The following GLI2 variants were observed in gnomAD, a reference collection of about 807,000 sequenced individuals.
GLI2 encodes transcription activator GLI2.
A neutral mutation model predicts 78.9 loss-of-function variants in GLI2; 22 were observed. That is an observed-to-expected ratio of 0.28 (90% CI 0.20 to 0.40). GLI2 has a LOEUF of 0.40. Ranked by LOEUF, GLI2 falls within the 10% of genes least tolerant of loss-of-function variation. GLI2 has a pLI of 1.00. For synonymous variants in GLI2, 974 were observed against 963.7 expected (o/e 1.01, Z -0.20); for missense variants, 2,097 against 2,213.2 (o/e 0.95, Z 1.05).
chr2:120,960,528 C>G (rs2104984376), intron 5 of GLI2, among the ~76,000 whole-genome samples: 1 of 152,338 alleles, frequency 6.6e-6, no homozygotes, highest in South Asian at 2.1e-4. Flanking sequence ...TATTTTTTAA[C>G]AGACTCACCT....
rs532113655 is a variant in GLI2, at chr2:120,894,611, G to T, written c.149-32750G>T. 6.3e-3 allele frequency among the ~76,000 whole-genome samples: 952 copies of T among 150,976 alleles called. 11 individuals carry two copies. Among genetic ancestry groups the T allele is most frequent in the African/African-American group, 0.022 (899 of 40,730 alleles). On this transcript the variant is annotated intron_variant, in intron 2 of 13. Coordinates refer to ENST00000361492, the MANE Select transcript of GLI2 (RefSeq NM_001374353.1). ...AAATGAAGACATGCATTAACCCTTG[G>T]GGGGGGGTACCAGTGATTTCAAACC...
intron 4 of GLI2, among the ~76,000 whole-genome samples, chr2:120,953,735 A>G (rs1422022981): frequency 2.0e-5 from 3 of 152,090 alleles, no homozygotes; most frequent in East Asian, 3.9e-4. Context: ...CATGCCTGTA[A>G]TTGGATTTTC....
chr2:120,984,630 G>A lies in GLI2; in HGVS notation c.1792G>A (p.Asp598Asn), dbSNP rs1314964125. The A allele has an allele frequency of 4.3e-6, 7 of 1,614,076 alleles. No individual in the cohort carries two copies. Among genetic ancestry groups the A allele is most frequent in the African/African-American group, 1.3e-5 (1 of 74,950 alleles). ...LRTPLLKENG[D>N]SEAGTEPGGP... Reference sequence around the variant, plus strand: ...CACACCGCTGCTCAAAGAGAATGGGGACAGTGAGGCCGGCACGGAGCCTGG... The same window carrying A: ...CACACCGCTGCTCAAAGAGAATGGGAACAGTGAGGCCGGCACGGAGCCTGG... Residue 598 changes from aspartate (D) to asparagine (N), a missense_variant, in exon 12 of 14, where the codon GAC becomes AAC. Asp to Asn is a conservative substitution (Grantham distance 23). This residue lies in a region of GLI2 where 57 missense variants were observed against 44.5 expected (regional missense o/e 1.28). Transcript: ENST00000361492.
intron 2 of GLI2, among the ~76,000 whole-genome samples, chr2:120,877,756 A>T (rs1270708780): frequency 2.0e-5 from 3 of 152,302 alleles, no homozygotes; most frequent in African/African-American, 7.2e-5. Context: ...ATAGCACAAT[A>T]TACCAACGTT....
At chr2:120,828,861 CAA>C (rs3053863) in intron 2 of GLI2, among the ~76,000 whole-genome samples, 2 of 125,972 alleles carry the variant, frequency 1.6e-5, no homozygotes, top group Non-Finnish European at 1.6e-5. Flanking sequence ...CTTCCAACTC[CAA>C]AAAAAAAAAA....
chr2:120,751,044 G>A (rs1682857477), intron 1 of GLI2, among the ~76,000 whole-genome samples: 2 of 152,202 alleles, frequency 1.3e-5, no homozygotes, highest in Admixed American at 1.3e-4. Flanking sequence ...GGAGACTGTT[G>A]CCGGTTGGAA....
intron 2 of GLI2, among the ~76,000 whole-genome samples, chr2:120,882,119 T>G (rs528506400): frequency 6.6e-6 from 1 of 152,220 alleles, no homozygotes; most frequent in African/African-American, 2.4e-5. Context: ...GCTGTGAGTT[T>G]ACGTCTGGTC....
At position 120,929,312 on chromosome 2, in the gene GLI2, C is replaced by T. The variant is rs79788867; in HGVS notation, c.254+1846C>T. ...TTCTCCGCTTTAAAGTTGTCCCGTT[C>T]GTAATTAATAAGTATTTTGTGGGGT... is the stretch of plus-strand genomic sequence containing the variant. On this transcript the variant is annotated intron_variant, in intron 3 of 13. Transcript: ENST00000361492. 1.7e-3 allele frequency among the ~76,000 whole-genome samples: 263 copies of T among 152,268 alleles called. 1 individual carries two copies. Among genetic ancestry groups the T allele is most frequent in the African/African-American group, 5.9e-3 (244 of 41,542 alleles).
chr2:120,888,885 C>T (rs1677543531), intron 2 of GLI2, among the ~76,000 whole-genome samples: 1 of 152,158 alleles, frequency 6.6e-6, no homozygotes, highest in Non-Finnish European at 1.5e-5. Flanking sequence ...TTAGTGGTGA[C>T]TTCGTGTTTC....
At position 120,787,692 on chromosome 2, in the gene GLI2, C is replaced by T. The variant is rs1684036009; in HGVS notation, c.-30-9599C>T. 2.0e-5 allele frequency among the ~76,000 whole-genome samples: 3 copies of T among 152,222 alleles called. 1 individual carries two copies. Among genetic ancestry groups the T allele is most frequent in the Admixed American group, 2.0e-4 (3 of 15,280 alleles). On this transcript the variant is annotated intron_variant, in intron 1 of 13. Coordinates refer to ENST00000361492, the MANE Select transcript of GLI2 (RefSeq NM_001374353.1). ...AAAATATCTGGGTCTGGCGGGCCGG[C>T]CACACAGTGGGCCCCTTGTTCCCCT...
chr2:120,763,673 C>T (rs978421391), intron 1 of GLI2, among the ~76,000 whole-genome samples: 7 of 152,334 alleles, frequency 4.6e-5, no homozygotes, highest in Middle Eastern at 3.4e-3. Context: ...ACTCACAGCC[C>T]TCTGGGCAGA....
At chr2:120,918,270 G>A (rs558591289) in intron 2 of GLI2, among the ~76,000 whole-genome samples, 1 of 152,254 alleles carries the variant, frequency 6.6e-6, no homozygotes, top group African/African-American at 2.4e-5. Flanking sequence ...ATCGGTGGAT[G>A]CCTTATATGA....
intron 3 of GLI2, among the ~76,000 whole-genome samples, chr2:120,937,994 G>C (rs1436881298): frequency 6.6e-6 from 1 of 152,118 alleles, no homozygotes; most frequent in Admixed American, 6.5e-5. Context: ...CCACTCCCAA[G>C]ACTGCACATC....
chr2:120,869,452 C>T (rs181411696), intron 2 of GLI2, among the ~76,000 whole-genome samples: 1 of 152,274 alleles, frequency 6.6e-6, no homozygotes, highest in African/African-American at 2.4e-5. Context: ...ATTTTGCTGG[C>T]CCTCACCAAT....
In GLI2 at chr2:120,815,655, A is replaced by C. The variant is rs576287485; in HGVS notation, c.148+18187A>C. Among the ~76,000 whole-genome samples, 43 of 152,004 alleles carry C rather than the reference A, an allele frequency of 2.8e-4. No individual in the cohort carries two copies. The South Asian group carries it at 3.3e-3, about 12-fold the overall frequency. On this transcript the variant is annotated intron_variant, in intron 2 of 13. Coordinates refer to ENST00000361492, the MANE Select transcript of GLI2 (RefSeq NM_001374353.1). Reference sequence around the variant, plus strand: ...CCAGAGTGCCTTCCCCTGCTTTTCTACCCCTGGGAGGGCTACCCAAATGCC... The same window carrying C: ...CCAGAGTGCCTTCCCCTGCTTTTCTCCCCCTGGGAGGGCTACCCAAATGCC...
intron 7 of GLI2, among the ~76,000 whole-genome samples, chr2:120,971,055 G>T (rs750701552): frequency 6.6e-6 from 1 of 152,258 alleles, no homozygotes; most frequent in East Asian, 1.9e-4. Context: ...CATCCTAGGT[G>T]CCATTATTAT....
In GLI2 at chr2:120,921,273, G is replaced by C. The variant is rs529416226; in HGVS notation, c.149-6088G>C. 3.4e-4 allele frequency among the ~76,000 whole-genome samples: 52 copies of C among 152,050 alleles called. 1 individual carries two copies. The highest frequency in any genetic ancestry group is 1.2e-3 in the African/African-American group (50 of 41,382). On this transcript the variant is annotated intron_variant, in intron 2 of 13. Coordinates refer to ENST00000361492, the MANE Select transcript of GLI2 (RefSeq NM_001374353.1). ...GTGTGTGCATGTGTGTTGGTGGGGGGTGTTGGGGTGCTGTCCTATTATACC... is the reference window on the plus strand; with the variant it reads ...GTGTGTGCATGTGTGTTGGTGGGGGCTGTTGGGGTGCTGTCCTATTATACC...
intron 2 of GLI2, among the ~76,000 whole-genome samples, chr2:120,863,844 T>C (rs1014057525): frequency 1.3e-5 from 2 of 152,160 alleles, no homozygotes; most frequent in African/African-American, 4.8e-5. Flanking sequence ...GAGGCAGCCC[T>C]TCCAGGAAGC....
At chr2:120,794,431 A>T (rs1158673429) in intron 1 of GLI2, among the ~76,000 whole-genome samples, 1 of 151,982 alleles carries the variant, frequency 6.6e-6, no homozygotes, top group Non-Finnish European at 1.5e-5. Context: ...CAGGGGAGGG[A>T]TGGAGTGATA....
Sources: allele counts gnomAD v4.1 joint callset (sites outside exome capture counted in the v4.1 genomes callset), GRCh38; gene constraint gnomAD v4.1.1; regional missense constraint gnomAD v4.1.1; transcripts MANE v1.5; gene names NCBI Gene and HGNC (gene_info 2026-07-23, HGNC 2026-07-21).